The following BPTF variants were observed in gnomAD, a reference collection of about 807,000 sequenced individuals.
The protein encoded by BPTF is nucleosome-remodeling factor subunit BPTF.
BPTF carries 18 observed loss-of-function variants against 292.5 expected under a neutral mutation model. The ratio of observed to expected loss-of-function variants is 0.06; its 90% CI spans 0.04 to 0.09. BPTF has a LOEUF of 0.09. Ranked by LOEUF, BPTF falls within the 10% of genes least tolerant of loss-of-function variation. BPTF has a pLI of 1.00. For synonymous variants in BPTF, 1,225 were observed against 1,251.9 expected, an observed-to-expected ratio of 0.98 and a Z score of 0.45; for missense variants, 2,726 against 3,498.7, an observed-to-expected ratio of 0.78 and a Z score of 5.57.
intron 3 of BPTF, among the ~76,000 whole-genome samples, chr17:67,869,759 G>A (rs1376223945): frequency 1.3e-5 from 2 of 149,904 alleles, no homozygotes; most frequent in East Asian, 3.9e-4. Flanking sequence ...TGAGGCGGGC[G>A]GATCACGAGG....
intron 17 of BPTF, 77 bp downstream of exon 17, chr17:67,929,564 T>C (rs2147464183): frequency 6.7e-7 from 1 of 1,485,714 alleles, no homozygotes; most frequent in South Asian, 1.3e-5. Context: ...TCTTCCAAGA[T>C]TAATCCAACT....
chr17:67,929,518 A>C, intron 17 of BPTF, 31 bp downstream of exon 17: 2 of 1,608,706 alleles, frequency 1.2e-6, no homozygotes, highest in Non-Finnish European at 1.7e-6. Context: ...ATTTGGTTTG[A>C]TGTGTTGAGC....
rs149637646 is a variant in BPTF, at chr17:67,866,684, A to G, written c.1657A>G (p.Asn553Asp). 1.1e-4 allele frequency: 173 copies of G among 1,611,420 alleles called. No individual in the cohort carries two copies. The highest frequency in any genetic ancestry group is 1.4e-4 in the Non-Finnish European group (167 of 1,177,824). Reference protein sequence around the residue: ...GSNKSFLAAANEEILESIRAK... With the variant: ...GSNKSFLAAADEEILESIRAK... Reference sequence around the variant, plus strand: ...TAACAAATCCTTTCTGGCGGCAGCTAATGGTGAGAGGGGCATTTTCTCATT... The same window carrying G: ...TAACAAATCCTTTCTGGCGGCAGCTGATGGTGAGAGGGGCATTTTCTCATT... The change falls in exon 3 of 28, where the codon AAT becomes GAT. Residue 553 changes from asparagine (N) to aspartate (D), a missense_variant. Transcript: ENST00000306378.
In BPTF at chr17:67,843,754, C is replaced by CTTT. The variant is rs56335701; in HGVS notation, c.614-10160_614-10158dup. On this transcript the variant is annotated intron_variant, in intron 1 of 27. Coordinates refer to ENST00000306378, the MANE Select transcript of BPTF (RefSeq NM_182641.4). The stretch of plus-strand genomic sequence containing the variant: ...TTTTTAAATTGTCTGGAGCAGTTGT[C>CTTT]TTTTTTTTTTTTTTTTTTTTTTTTT... 7.6e-4 allele frequency among the ~76,000 whole-genome samples: 47 copies of CTTT among 62,226 alleles called. 8 individuals carry two copies. Among genetic ancestry groups the CTTT allele is most frequent in the African/African-American group, 3.3e-3 (39 of 11,926 alleles). 40.8% of individuals were successfully genotyped at this position (62,226 alleles called of 152,430 possible). A position where few individuals can be genotyped will look rare whatever the true frequency, so the allele number is the denominator to read the frequency against.
rs2055931263 is a variant in BPTF, at chr17:67,825,761, G to C, written c.37G>C (p.Ala13Pro). Reference sequence around the variant, plus strand: ...GCGGGGCAGGCCGCCCAAGCAGCCCGCGGCTCCCGCTGCGGAGCGCTGCGC... The same window carrying C: ...GCGGGGCAGGCCGCCCAAGCAGCCCCCGGCTCCCGCTGCGGAGCGCTGCGC... Reference protein sequence around the residue: ...GRRGRPPKQPAAPAAERCAPA... With the variant: ...GRRGRPPKQPPAPAAERCAPA... Residue 13 changes from alanine (A) to proline (P), a missense_variant, in exon 1 of 28, where the codon GCG becomes CCG. Ala to Pro is a conservative substitution (Grantham distance 27, BLOSUM62 -1). Coordinates refer to ENST00000306378, the MANE Select transcript of BPTF (RefSeq NM_182641.4). 3 of 1,036,078 alleles carry C rather than the reference G, an allele frequency of 2.9e-6. No individual in the cohort carries two copies. The highest frequency in any genetic ancestry group is 1.2e-4 in the Admixed American group (2 of 17,240). The allele number at this position is 1,036,078 out of a possible 1,614,324, so 64.2% of individuals were successfully genotyped here.
At chr17:67,870,622 G>A (rs1286462760) in intron 3 of BPTF, among the ~76,000 whole-genome samples, 1 of 151,908 alleles carries the variant, frequency 6.6e-6, no homozygotes, top group Non-Finnish European at 1.5e-5. Flanking sequence ...CTTTAACTTG[G>A]GGTTTTATGA....
In BPTF at chr17:67,903,891, A is replaced by G. The variant is rs201429797; in HGVS notation, c.2646A>G (p.Val882=). The G allele has an allele frequency of 5.7e-6, 9 of 1,588,940 alleles. No homozygotes were observed. In the African/African-American group the frequency reaches 6.8e-5, roughly 12 times the overall value. The change falls in exon 8 of 28, where the codon GTA becomes GTG. Residue 882 remains valine (V), a synonymous_variant. Transcript: ENST00000306378. The part of the protein sequence containing the change: ...EEETMQQATW[V]KYTFPVKHQV... Reference sequence around the variant, plus strand: ...AAACGATGCAGCAAGCGACATGGGTAAAATACACATTTCCAGTTAAGCATC... The same window carrying G: ...AAACGATGCAGCAAGCGACATGGGTGAAATACACATTTCCAGTTAAGCATC...
intron 2 of BPTF, among the ~76,000 whole-genome samples, chr17:67,865,345 GTAA>G (rs2059335817): frequency 6.6e-6 from 1 of 152,100 alleles, no homozygotes; most frequent in Non-Finnish European, 1.5e-5. Context: ...TATTACCTTA[GTAA>G]TAATATTTAA....
rs186285779 is a variant in BPTF, at chr17:67,980,751, A to T, written c.8727-1501A>T. On this transcript the variant is annotated intron_variant, in intron 27 of 27. Transcript: ENST00000306378. ...CTGCACAGTGAAGGGGCCACTTAGGATGTCTTCTTGCCACGTGGTTATTTT... is the reference window on the plus strand; with the variant it reads ...CTGCACAGTGAAGGGGCCACTTAGGTTGTCTTCTTGCCACGTGGTTATTTT... Among the ~76,000 whole-genome samples, 4 of 152,308 alleles carry T rather than the reference A, an allele frequency of 2.6e-5. No homozygotes were observed. In the East Asian group the frequency reaches 5.8e-4, roughly 22 times the overall value.
chr17:67,904,603 T>C, intron 8 of BPTF, 99 bp from the exon 9 acceptor site: 1 of 943,986 alleles, frequency 1.1e-6, no homozygotes, highest in Non-Finnish European at 1.5e-6. Context: ...TTCATTTGCC[T>C]GACTTTGAAA....
At chr17:67,910,236 T>G (rs2062560106) in intron 10 of BPTF, among the ~76,000 whole-genome samples, 1 of 152,224 alleles carries the variant, frequency 6.6e-6, no homozygotes, top group African/African-American at 2.4e-5. Context: ...TGTATGGATA[T>G]GCCACATTTT....
intron 26 of BPTF, among the ~76,000 whole-genome samples, chr17:67,972,340 A>C (rs1453310590): frequency 6.6e-6 from 1 of 152,076 alleles, no homozygotes; most frequent in Non-Finnish European, 1.5e-5. Flanking sequence ...GGTTCAACCG[A>C]TTCTTCCACC....
chr17:67,966,206 A>T, intron 25 of BPTF: 1 of 190,964 alleles, frequency 5.2e-6, no homozygotes, highest in Non-Finnish European at 1.1e-5. Flanking sequence ...CTGCTACCTC[A>T]TCATTAACCA....
intron 2 of BPTF, among the ~76,000 whole-genome samples, chr17:67,857,594 G>A (rs945757672): frequency 1.3e-5 from 2 of 151,406 alleles, no homozygotes; most frequent in African/African-American, 4.9e-5. Flanking sequence ...AGCCCACCAA[G>A]TAGCTGGGAC....
intron 2 of BPTF, among the ~76,000 whole-genome samples, chr17:67,864,879 A>G (rs1394473032): frequency 3.3e-5 from 5 of 151,746 alleles, no homozygotes; most frequent in Non-Finnish European, 5.9e-5. Context: ...AACTCGGCTC[A>G]CTCTAGGCTC....
chr17:67,909,795 G>A (rs766398164), intron 10 of BPTF, 34 bp downstream of exon 10: 5 of 1,470,670 alleles, frequency 3.4e-6, no homozygotes, highest in Non-Finnish European at 4.5e-6. Context: ...GCAGCCTGGG[G>A]GTGATAAGAA....
intron 18 of BPTF, 53 bp from the exon 19 acceptor site, chr17:67,940,386 C>A: frequency 6.7e-7 from 1 of 1,500,978 alleles, no homozygotes; most frequent in Non-Finnish European, 9.2e-7. Flanking sequence ...TATTTCAATT[C>A]AAAATAATGC....
chr17:67,933,566 T>TA (rs201238468), intron 18 of BPTF, among the ~76,000 whole-genome samples: 17 of 149,164 alleles, frequency 1.1e-4, no homozygotes, highest in African/African-American at 2.5e-4. Context: ...ACGACCTGTT[T>TA]AAAAAAAAAG....
intron 4 of BPTF, among the ~76,000 whole-genome samples, chr17:67,889,522 T>C (rs1291932066): frequency 6.6e-6 from 1 of 152,170 alleles, no homozygotes; most frequent in African/African-American, 2.4e-5. Flanking sequence ...CTCCATGATC[T>C]GAAGGCCAGG....
Sources: gnomAD v4.1 joint callset for allele counts (sites outside exome capture counted in the v4.1 genomes callset) on GRCh38, gnomAD v4.1.1 for gene constraint, MANE v1.5 for transcripts, NCBI Gene and HGNC (gene_info 2026-07-23, HGNC 2026-07-21) for gene names.